POGZ: variants seen among roughly 807,000 people sequenced by gnomAD.
POGZ encodes the protein pogo transposable element with ZNF domain.
In POGZ, 17 loss-of-function variants were observed where a neutral mutation model predicts 134.6. The observed-to-expected ratio is 0.13, with a 90% confidence interval of 0.09 to 0.19. POGZ has a LOEUF of 0.19. Among genes scored for constraint, POGZ ranks in the 10% least tolerant of loss-of-function variants. The pLI, the probability that POGZ is intolerant of heterozygous loss-of-function variation, is 1.00. For missense variants in POGZ, 1,306 were observed against 1,769.7 expected (o/e 0.74, Z 4.70); for synonymous variants, 693 against 657.1 (o/e 1.05, Z -0.84).
chr1:151,411,594 G>A (rs777308411), intron 12 of POGZ, 31 bp downstream of exon 12: 2 of 1,454,496 alleles, frequency 1.4e-6, no homozygotes, highest in Non-Finnish European at 1.9e-6. Flanking sequence ...AAAAAAACAA[G>A]AGAATATGGG....
At chr1:151,447,642 A>AATTTT (rs1263133268) in intron 1 of POGZ, among the ~76,000 whole-genome samples, 24 of 52,938 alleles carry the variant, frequency 4.5e-4, no homozygotes, top group African/African-American at 1.5e-3. Flanking sequence ...TGTCTGGCTA[A>AATTTT]TTTTTTTTTT....
At position 151,406,963 on chromosome 1, in the gene POGZ, G is replaced by C. The variant is rs149634988; in HGVS notation, c.2493C>G (p.Ala831=). 59 of 1,614,068 alleles carry C rather than the reference G, an allele frequency of 3.7e-5. No individual in the cohort carries two copies. In the African/African-American group the frequency reaches 6.9e-4, roughly 19 times the overall value. Reference sequence around the variant, plus strand: ...GAGAGGGGTTGAATACCAAATGCTTGGCCATAGCATCGCCCACAGAGGTAA... The same window carrying C: ...GAGAGGGGTTGAATACCAAATGCTTCGCCATAGCATCGCCCACAGAGGTAA... The part of the protein sequence containing the change: ...TFVTSVGDAM[A]KHLVFNPSHR... Residue 831 remains alanine, a synonymous_variant, in exon 17 of 19, where the codon GCC becomes GCG. Transcript: ENST00000271715.
chr1:151,409,655 CT>C (rs1180715478), intron 12 of POGZ, among the ~76,000 whole-genome samples: 8 of 151,730 alleles, frequency 5.3e-5, no homozygotes, highest in Non-Finnish European at 1.5e-5. Flanking sequence ...TTTCCCTTTC[CT>C]TTTTGTAGAG....
intron 1 of POGZ, among the ~76,000 whole-genome samples, chr1:151,458,063 T>C (rs1043508619): frequency 6.6e-6 from 1 of 152,146 alleles, no homozygotes; most frequent in Non-Finnish European, 1.5e-5. Context: ...AACTGCATCT[T>C]AGTTTCCATT....
chr1:151,431,807 G>A (rs1214599721), intron 3 of POGZ, among the ~76,000 whole-genome samples: 1 of 152,058 alleles, frequency 6.6e-6, no homozygotes, highest in Non-Finnish European at 1.5e-5. Flanking sequence ...CCAATACTAA[G>A]TTTCCTGATT....
At chr1:151,455,014 G>A (rs1662597617) in intron 1 of POGZ, 1 of 152,118 alleles carries the variant, frequency 6.6e-6, no homozygotes, top group Non-Finnish European at 1.5e-5. Flanking sequence ...AGCTGAAGGA[G>A]GAGAATCGCT....
chr1:151,412,905 T>C (rs1485132053), intron 10 of POGZ, among the ~76,000 whole-genome samples: 2 of 152,162 alleles, frequency 1.3e-5, no homozygotes, highest in African/African-American at 2.4e-5. Flanking sequence ...CTCTTTGAAA[T>C]TGTCCATTTT....
chr1:151,405,340 C>T lies in POGZ; in HGVS notation c.3695G>A (p.Arg1232His). 1.2e-6 allele frequency: 2 copies of T among 1,614,094 alleles called. No homozygotes were observed. Among genetic ancestry groups the T allele is most frequent in the Non-Finnish European group, 8.5e-7 (1 of 1,179,956 alleles). The change falls in exon 19 of 19, where the codon CGC becomes CAC. Residue 1232 changes from arginine to histidine, a missense_variant. By Grantham distance (29) the Arg-to-His change is conservative (BLOSUM62 0). Coordinates refer to ENST00000271715, the MANE Select transcript of POGZ (RefSeq NM_015100.4). The surrounding 1 kb of genome is among the most constrained non-coding windows in gnomAD (Gnocchi z 4.9). ...CAGTACCTCTTCTGACAAGTGAGTGCGATGACAGTCCATCACAAGCATGCC... is the reference window on the plus strand; with the variant it reads ...CAGTACCTCTTCTGACAAGTGAGTGTGATGACAGTCCATCACAAGCATGCC... Reference protein sequence around the residue: ...SKGMLVMDCHRTHLSEEVLAM... With the variant: ...SKGMLVMDCHHTHLSEEVLAM...
intron 15 of POGZ, 118 bp from the exon 16 acceptor site, chr1:151,407,409 ACCTAAG>A (rs1653837862): frequency 1.5e-6 from 1 of 669,556 alleles, no homozygotes; most frequent in Non-Finnish European, 2.6e-6. Flanking sequence ...CCTAATCTCA[ACCTAAG>A]CCAGTTTTCC....
intron 10 of POGZ, 54 bp from the exon 11 acceptor site, chr1:151,412,450 G>T: frequency 1.1e-6 from 1 of 939,226 alleles, no homozygotes; most frequent in Non-Finnish European, 1.7e-6. Context: ...CAAAAGTCCT[G>T]CTGACTCACA....
At chr1:151,417,822 GA>G (rs1656054113) in intron 10 of POGZ, among the ~76,000 whole-genome samples, 1 of 150,952 alleles carries the variant, frequency 6.6e-6, no homozygotes, top group African/African-American at 2.4e-5. Context: ...AAAATAAAAG[GA>G]AAAAAATCCC....
rs1253738232 is a variant in POGZ, at chr1:151,430,663, C to T, written c.459+3G>A. 6.2e-7 allele frequency: 1 copy of T among 1,601,702 alleles called. No homozygotes were observed. Among genetic ancestry groups the T allele is most frequent in the South Asian group, 1.1e-5 (1 of 90,312 alleles). Reference sequence around the variant, plus strand: ...CAACCTTGGAATTCAGAGTCCTACTCACCTGCGTAGTGATAAATATTGGTT... The same window carrying T: ...CAACCTTGGAATTCAGAGTCCTACTTACCTGCGTAGTGATAAATATTGGTT... On this transcript the variant is annotated splice_donor_region_variant and intron_variant, in intron 4 of 18. Coordinates refer to ENST00000271715, the MANE Select transcript of POGZ (RefSeq NM_015100.4).
intron 10 of POGZ, among the ~76,000 whole-genome samples, chr1:151,419,955 C>A (rs923986623): frequency 2.0e-5 from 3 of 152,000 alleles, no homozygotes; most frequent in African/African-American, 7.3e-5. Flanking sequence ...AACCCACCCC[C>A]CATATTACGC....
At chr1:151,440,187 T>C (rs1660304771) in intron 3 of POGZ, among the ~76,000 whole-genome samples, 1 of 147,674 alleles carries the variant, frequency 6.8e-6, no homozygotes, top group Admixed American at 6.8e-5. Context: ...TTTTTGTTCC[T>C]TTTTTTTTTC....
intron 1 of POGZ, among the ~76,000 whole-genome samples, chr1:151,455,776 T>C (rs1024397024): frequency 6.6e-6 from 1 of 152,234 alleles, no homozygotes; most frequent in Admixed American, 6.5e-5. Flanking sequence ...TGTTGCTATA[T>C]GTAGCTTTGG....
Position 151,451,679 on chromosome 1 carries a change from G to T in POGZ, c.-2+7473C>A, listed in dbSNP as rs10158673. 8.5e-3 allele frequency among the ~76,000 whole-genome samples: 1,295 copies of T among 151,994 alleles called. 23 individuals carry two copies. Among genetic ancestry groups the T allele is most frequent in the African/African-American group, 0.03 (1,237 of 41,514 alleles). ...GTTTACAAGAAATACAGCAATAAAA[G>T]AACAAATTAAGTATCACCACAAAGA... On this transcript the variant is annotated intron_variant, in intron 1 of 18. Coordinates refer to ENST00000271715, the MANE Select transcript of POGZ (RefSeq NM_015100.4).
At chr1:151,422,546 A>G (rs893200783) in intron 10 of POGZ, among the ~76,000 whole-genome samples, 7 of 152,090 alleles carry the variant, frequency 4.6e-5, no homozygotes, top group East Asian at 3.8e-4. Context: ...AGCTTACCTT[A>G]TATTTCACTG....
chr1:151,419,263 G>A (rs1260102902), intron 10 of POGZ, among the ~76,000 whole-genome samples: 1 of 152,000 alleles, frequency 6.6e-6, no homozygotes, highest in South Asian at 2.1e-4. Context: ...TTGGGAGACT[G>A]AGGCACAATA....
chr1:151,442,435 C>T (rs923642573), intron 1 of POGZ: 10 of 347,378 alleles, frequency 2.9e-5, no homozygotes, highest in African/African-American at 1.9e-4. Flanking sequence ...ACAGGCCGGG[C>T]ATGGTGGCTC....
Sources: gnomAD v4.1 joint callset for allele counts (sites outside exome capture counted in the v4.1 genomes callset) on GRCh38, gnomAD v4.1.1 for gene constraint, Gnocchi (gnomAD v3.1) non-coding constraint, MANE v1.5 for transcripts, NCBI Gene and HGNC (gene_info 2026-07-23, HGNC 2026-07-21) for gene names.